PRR5L: variants seen among roughly 807,000 people sequenced by gnomAD.
The protein encoded by PRR5L is proline-rich protein 5-like.
In PRR5L, 21 loss-of-function variants were observed where a neutral mutation model predicts 36.4. The ratio of observed to expected loss-of-function variants is 0.58; its 90% CI spans 0.41 to 0.83. The LOEUF (loss-of-function observed/expected upper bound fraction) is 0.83. Ranked by LOEUF, PRR5L falls within the 40% of genes least tolerant of loss-of-function variation. The pLI, the probability that PRR5L is intolerant of heterozygous loss-of-function variation, is 0.00. For synonymous variants in PRR5L, 188 were observed against 197.0 expected, an observed-to-expected ratio of 0.95 and a Z score of 0.38; for missense variants, 381 against 473.3, an observed-to-expected ratio of 0.80 and a Z score of 1.81.
chr11:36,351,651 TTATATAA>T lies in PRR5L; in HGVS notation c.-125-49345_-125-49339del, dbSNP rs1856969423. On this transcript the variant is annotated intron_variant, in intron 1 of 8. Transcript: ENST00000530639. ...TTTATATAAATATATATTTATATAT[TTATATAA>T]ATATATATTTATATACTTATATATT... Among the ~76,000 whole-genome samples the T allele has an allele frequency of 1.8e-4, 2 of 11,270 alleles. 1 individual carries two copies. The highest frequency in any genetic ancestry group is 0.03 in the East Asian group (2 of 66). The allele number at this position is 11,270 out of a possible 152,430, so 7.4% of individuals were successfully genotyped here.
intron 1 of PRR5L, among the ~76,000 whole-genome samples, chr11:36,390,280 T>A (rs544425580): frequency 7.5e-4 from 114 of 151,950 alleles, no homozygotes; most frequent in Non-Finnish European, 1.4e-3. Context: ...ATATTTCACA[T>A]AGAGGCCACA....
At chr11:36,426,254 G>T (rs1185288664) in intron 4 of PRR5L, 1 of 152,252 alleles carries the variant, frequency 6.6e-6, no homozygotes, top group Non-Finnish European at 1.5e-5. Flanking sequence ...CTGCCAGTAG[G>T]TCTGGGTTCT....
At chr11:36,308,508 G>C (rs538814036) in intron 1 of PRR5L, among the ~76,000 whole-genome samples, 1 of 152,178 alleles carries the variant, frequency 6.6e-6, no homozygotes. Flanking sequence ...TCTCAGGAAA[G>C]GTCACTTTGG....
chr11:36,387,739 G>T (rs536198118), intron 1 of PRR5L, among the ~76,000 whole-genome samples: 3 of 152,284 alleles, frequency 2.0e-5, no homozygotes, highest in Admixed American at 2.0e-4. Flanking sequence ...ACTGATTAGT[G>T]CAGGCTTACC....
intron 1 of PRR5L, among the ~76,000 whole-genome samples, chr11:36,315,218 C>T (rs933823952): frequency 5.9e-5 from 9 of 151,978 alleles, no homozygotes; most frequent in Non-Finnish European, 7.4e-5. Flanking sequence ...TTATGACTGT[C>T]GGGGAGATGA....
intron 4 of PRR5L, among the ~76,000 whole-genome samples, chr11:36,422,217 T>C (rs1858280905): frequency 6.6e-6 from 1 of 152,086 alleles, no homozygotes; most frequent in African/African-American, 2.4e-5. Context: ...GAAATCTCCA[T>C]ATAAGGAGAC....
At chr11:36,312,942 C>T (rs1198126549) in intron 1 of PRR5L, among the ~76,000 whole-genome samples, 2 of 152,208 alleles carry the variant, frequency 1.3e-5, no homozygotes, top group Non-Finnish European at 2.9e-5. Flanking sequence ...GCTGCATTTC[C>T]ATTCCAGCTT....
chr11:36,401,338 G>C, intron 2 of PRR5L, 53 bp downstream of exon 2: 1 of 1,558,778 alleles, frequency 6.4e-7, no homozygotes, highest in Non-Finnish European at 8.7e-7. Flanking sequence ...CCATGGCAGG[G>C]AGGGAGGCAT....
chr11:36,452,802 T>C (rs536110674), intron 8 of PRR5L, among the ~76,000 whole-genome samples: 1 of 152,316 alleles, frequency 6.6e-6, no homozygotes, highest in Non-Finnish European at 1.5e-5. Flanking sequence ...ACAGTTTTTC[T>C]TCCAACTCTC....
intron 1 of PRR5L, among the ~76,000 whole-genome samples, chr11:36,337,455 A>G (rs1174569760): frequency 6.6e-6 from 1 of 152,208 alleles, no homozygotes; most frequent in African/African-American, 2.4e-5. Context: ...CAATAAATGT[A>G]TGCTCTTTGT....
At chr11:36,457,468 T>C (rs7113673) in intron 8 of PRR5L, among the ~76,000 whole-genome samples, 73,999 of 151,740 alleles carry the variant, frequency 0.49, 19,466 homozygotes, top group South Asian at 0.68. Context: ...TAGCTGGGTG[T>C]GGTGGTGGGC....
At chr11:36,361,641 G>C (rs1388724227) in intron 1 of PRR5L, among the ~76,000 whole-genome samples, 26 of 152,152 alleles carry the variant, frequency 1.7e-4, no homozygotes, top group Non-Finnish European at 1.5e-5. Flanking sequence ...ACGATAGTGT[G>C]TTTGCTTATA....
At chr11:36,455,836 G>T (rs368868914) in intron 8 of PRR5L, among the ~76,000 whole-genome samples, 33 of 152,328 alleles carry the variant, frequency 2.2e-4, no homozygotes, top group East Asian at 7.7e-4. Flanking sequence ...CTTGTCTGAG[G>T]CTTGGCTCTG....
intron 4 of PRR5L, chr11:36,425,664 AC>A (rs1487099560): frequency 6.6e-6 from 1 of 152,078 alleles, no homozygotes; most frequent in Non-Finnish European, 1.5e-5. Context: ...GTCTCATCAC[AC>A]CCACACACAC....
At chr11:36,447,978 C>T (rs186644083) in intron 7 of PRR5L, among the ~76,000 whole-genome samples, 3 of 152,100 alleles carry the variant, frequency 2.0e-5, no homozygotes, top group African/African-American at 7.2e-5. Flanking sequence ...AAGTTGGGCT[C>T]CCATCTTCCC....
intron 6 of PRR5L, among the ~76,000 whole-genome samples, chr11:36,445,004 C>T (rs867866734): frequency 1.3e-5 from 2 of 152,182 alleles, no homozygotes; most frequent in African/African-American, 2.4e-5. Flanking sequence ...GTCAAAGTCT[C>T]TCATTATAAG....
chr11:36,351,333 TA>T (rs1856945216), intron 1 of PRR5L, among the ~76,000 whole-genome samples: 1 of 72,696 alleles, frequency 1.4e-5, no homozygotes, highest in Non-Finnish European at 2.3e-5. Flanking sequence ...AATATTTATA[TA>T]TATTTATAAT....
intron 1 of PRR5L, among the ~76,000 whole-genome samples, chr11:36,326,265 T>C (rs914234161): frequency 2.6e-5 from 4 of 151,498 alleles, no homozygotes; most frequent in Non-Finnish European, 5.9e-5. Flanking sequence ...GTTATAACTT[T>C]TTATCCCTAA....
At chr11:36,383,408 G>T (rs10836544) in intron 1 of PRR5L, among the ~76,000 whole-genome samples, 5,754 of 152,246 alleles carry the variant, frequency 0.038, 148 homozygotes, top group East Asian at 0.1. Context: ...CTGGCAGCCC[G>T]TGGGCCAAAC....
Sources: gnomAD v4.1 joint callset for allele counts (sites outside exome capture counted in the v4.1 genomes callset) on GRCh38, gnomAD v4.1.1 for gene constraint, MANE v1.5 for transcripts, NCBI Gene and HGNC (gene_info 2026-07-23, HGNC 2026-07-21) for gene names.